CSMD1: variants seen among roughly 807,000 people sequenced by gnomAD.
CSMD1 encodes the protein CUB and sushi domain-containing protein 1.
Under a neutral mutation model 417.5 loss-of-function variants are expected in CSMD1, and 213 were observed. The observed-to-expected ratio is 0.51, with a 90% confidence interval of 0.46 to 0.57. CSMD1 has a LOEUF of 0.57. CSMD1 is among the 20% of genes least tolerant of loss of function. The probability of loss-of-function intolerance (pLI) is 0.00; values close to 1 mark genes in which losing one functional copy is unlikely to be tolerated. For synonymous variants in CSMD1, 2,862 were observed against 1,736.8 expected, an observed-to-expected ratio of 1.65 and a Z score of -16.11; for missense variants, 6,923 against 4,529.7, an observed-to-expected ratio of 1.53 and a Z score of -15.17.
At chr8:4,602,541 C>A (rs1388069081) in intron 2 of CSMD1, among the ~76,000 whole-genome samples, 1 of 152,138 alleles carries the variant, frequency 6.6e-6, no homozygotes, top group Non-Finnish European at 1.5e-5. Flanking sequence ...ACATATTGGT[C>A]ATTATAGTCA....
intron 11 of CSMD1, among the ~76,000 whole-genome samples, chr8:3,472,989 C>A (rs752388919): frequency 2.0e-5 from 3 of 152,126 alleles, no homozygotes. Context: ...ACACCCACCC[C>A]ACCAAAGTAG....
At chr8:3,738,577 T>C (rs1230499780) in intron 6 of CSMD1, among the ~76,000 whole-genome samples, 1 of 152,200 alleles carries the variant, frequency 6.6e-6, no homozygotes, top group Non-Finnish European at 1.5e-5. Flanking sequence ...TCTGTGCTCT[T>C]GTCACGGGGA....
intron 3 of CSMD1, among the ~76,000 whole-genome samples, chr8:4,234,732 T>C (rs1178537088): frequency 6.6e-6 from 1 of 152,174 alleles, no homozygotes; most frequent in East Asian, 1.9e-4. Context: ...CTGCTGCCGC[T>C]GAAAACTGGA....
At chr8:2,984,416 T>C (rs1441415023) in intron 54 of CSMD1, among the ~76,000 whole-genome samples, 1 of 152,064 alleles carries the variant, frequency 6.6e-6, no homozygotes, top group Non-Finnish European at 1.5e-5. Context: ...TGGCATTATC[T>C]TGGCTCACTG....
chr8:4,954,696 T>C (rs1430581889), intron 1 of CSMD1, among the ~76,000 whole-genome samples: 1 of 152,148 alleles, frequency 6.6e-6, no homozygotes, highest in Non-Finnish European at 1.5e-5. Context: ...TTATAAGCTA[T>C]CATAAACTAC....
At chr8:3,073,853 A>G (rs1813468093) in intron 49 of CSMD1, among the ~76,000 whole-genome samples, 1 of 152,276 alleles carries the variant, frequency 6.6e-6, no homozygotes, top group South Asian at 2.1e-4. Context: ...GGAAACAATG[A>G]GTGATTTTTT....
At chr8:4,542,458 G>A (rs575381321) in intron 2 of CSMD1, among the ~76,000 whole-genome samples, 29 of 152,132 alleles carry the variant, frequency 1.9e-4, no homozygotes, top group Non-Finnish European at 3.4e-4. Flanking sequence ...GAGAACAATG[G>A]GATATTTGAA....
intron 4 of CSMD1, among the ~76,000 whole-genome samples, chr8:4,028,230 G>A (rs554721528): frequency 3.9e-5 from 6 of 152,106 alleles, no homozygotes; most frequent in Admixed American, 1.3e-4. Flanking sequence ...ATTCAAATAC[G>A]ATTAATCCCA....
intron 1 of CSMD1, among the ~76,000 whole-genome samples, chr8:4,895,230 C>A (rs1389315109): frequency 6.6e-5 from 10 of 152,060 alleles, no homozygotes; most frequent in Admixed American, 6.5e-4. Context: ...CTAAGACAAC[C>A]TGAATCACGT....
At chr8:3,732,372 A>AT (rs1463517991) in intron 6 of CSMD1, among the ~76,000 whole-genome samples, 2 of 152,324 alleles carry the variant, frequency 1.3e-5, no homozygotes, top group East Asian at 3.9e-4. Flanking sequence ...ATGAAATTTT[A>AT]TTGTCAAGGA....
intron 12 of CSMD1, among the ~76,000 whole-genome samples, chr8:3,452,970 T>A (rs1160333076): frequency 6.6e-6 from 1 of 152,226 alleles, no homozygotes; most frequent in Non-Finnish European, 1.5e-5. Flanking sequence ...GTTGGTAAGC[T>A]ATTAATTATT....
In CSMD1 at chr8:4,082,764, C is replaced by T. The variant is rs1329635691; in HGVS notation, c.416-50665G>A. Among the ~76,000 whole-genome samples, 3 of 111,344 alleles carry T rather than the reference C, an allele frequency of 2.7e-5. No individual in the cohort carries two copies. The Admixed American group carries it at 3.5e-4, about 13-fold the overall frequency. The allele number at this position is 111,344 out of a possible 152,430, so 73.0% of individuals were successfully genotyped here. A position where few individuals can be genotyped will look rare whatever the true frequency, so the allele number is the denominator to read the frequency against. On this transcript the variant is annotated intron_variant, in intron 3 of 69. Transcript: ENST00000635120. ...TATCTCCTGATGCTATCCCTCCCCC[C>T]TCCCCCCACCCCACAACAGTCCCCA...
intron 32 of CSMD1, 96 bp from the exon 33 acceptor site, chr8:3,199,905 TA>T (rs1796903525): frequency 4.4e-6 from 3 of 686,476 alleles, no homozygotes; most frequent in African/African-American, 3.6e-5. Context: ...ATTTCACATT[TA>T]TTTTTTGAAC....
intron 12 of CSMD1, among the ~76,000 whole-genome samples, chr8:3,458,999 G>A (rs1169791878): frequency 6.6e-6 from 1 of 152,238 alleles, no homozygotes; most frequent in African/African-American, 2.4e-5. Flanking sequence ...TTGGGGAAGG[G>A]AAGGGTTGTT....
At chr8:3,196,326 G>C (rs1398141033) in intron 33 of CSMD1, among the ~76,000 whole-genome samples, 1 of 152,116 alleles carries the variant, frequency 6.6e-6, no homozygotes, top group African/African-American at 2.4e-5. Context: ...CCCTCATTTA[G>C]CATATAATCA....
At chr8:4,419,784 G>T (rs190176847) in intron 3 of CSMD1, among the ~76,000 whole-genome samples, 169 bp downstream of exon 3, 33 of 152,252 alleles carry the variant, frequency 2.2e-4, no homozygotes, top group Admixed American at 2.2e-3. Flanking sequence ...GGAAAGTTTG[G>T]CGATTATAAC....
chr8:4,289,671 C>G (rs374971612), intron 3 of CSMD1, among the ~76,000 whole-genome samples: 1 of 152,162 alleles, frequency 6.6e-6, no homozygotes, highest in Non-Finnish European at 1.5e-5. Context: ...GTAACATGTG[C>G]TCAAGACATG....
chr8:2,968,620 C>T (rs192648213), intron 57 of CSMD1, among the ~76,000 whole-genome samples: 11 of 152,122 alleles, frequency 7.2e-5, no homozygotes, highest in Admixed American at 4.6e-4. Flanking sequence ...CTTTCACTCA[C>T]GGTTATAACT....
Position 3,343,340 on chromosome 8 carries a change from G to C in CSMD1, c.3585C>G (p.Asn1195Lys), listed in dbSNP as rs991389774. 1 of 1,613,778 alleles carries C rather than the reference G, an allele frequency of 6.2e-7. No individual in the cohort carries two copies. Among genetic ancestry groups the C allele is most frequent in the East Asian group, 2.2e-5 (1 of 44,862 alleles). Residue 1195 changes from asparagine to lysine, a missense_variant, in exon 23 of 70, where the codon AAC (asparagine) becomes AAG (lysine). Physicochemically the swap from Asn to Lys is moderately conservative, Grantham distance 94. Transcript: ENST00000635120. The stretch of plus-strand genomic sequence containing the variant: ...CTTGGTCGGTGTCAGATCCATTGGT[G>C]TTGAACTCTAGCCACAGGTGATTGG... ...STSNHLWLEF[N>K]TNGSDTDQGF...
Sources: gnomAD v4.1 joint callset for allele counts (sites outside exome capture counted in the v4.1 genomes callset) on GRCh38, gnomAD v4.1.1 for gene constraint, MANE v1.5 for transcripts, NCBI Gene and HGNC (gene_info 2026-07-23, HGNC 2026-07-21) for gene names.